The following ST18 variants were observed in gnomAD, a reference collection of about 807,000 sequenced individuals.
The protein encoded by ST18 is ST18 C2H2C-type zinc finger transcription factor.
In ST18, 50 loss-of-function variants were observed where a neutral mutation model predicts 110.0. The observed-to-expected ratio is 0.45, with a 90% confidence interval of 0.36 to 0.58. The LOEUF is 0.58. ST18 is among the 20% of genes least tolerant of loss of function. ST18 has a pLI of 0.00. For missense variants in ST18, 1,306 were observed against 1,280.1 expected, an observed-to-expected ratio of 1.02 and a Z score of -0.31; for synonymous variants, 461 against 452.4, an observed-to-expected ratio of 1.02 and a Z score of -0.24.
At position 52,205,036 on chromosome 8, in the gene ST18, C is replaced by G. The variant is rs552169412; in HGVS notation, c.86+7043G>C. Among the ~76,000 whole-genome samples, 49 of 151,900 alleles carry G rather than the reference C, an allele frequency of 3.2e-4. 1 individual carries two copies. The South Asian group carries it at 1.0e-2, about 31-fold the overall frequency. ...ACAGATATTAAGATTTAAAGTAGAC[C>G]TTAGACAAGCTGGAGAGTACTCTGT... On this transcript the variant is annotated intron_variant, in intron 8 of 25. Transcript: ENST00000689386.
intron 2 of ST18, among the ~76,000 whole-genome samples, chr8:52,269,074 A>G (rs2094981688): frequency 6.6e-6 from 1 of 152,206 alleles, no homozygotes; most frequent in African/African-American, 2.4e-5. Context: ...AACTTAATCT[A>G]GGAAAAAATT....
rs180749178 is a variant in ST18 at position 52,187,172 on chromosome 8, G to T, written c.87-6860C>A. Among the ~76,000 whole-genome samples the T allele has an allele frequency of 4.2e-4, 64 of 152,262 alleles. 2 individuals are homozygous for T. The highest frequency in any genetic ancestry group is 2.0e-4 in the Admixed American group (3 of 15,294). On this transcript the variant is annotated intron_variant, in intron 8 of 25. Coordinates refer to ENST00000689386, the MANE Select transcript of ST18 (RefSeq NM_001352837.2). The stretch of plus-strand genomic sequence containing the variant: ...TCAAAGGTCCTGACTTTAATTGTAG[G>T]TTCTAAACCCAATAGAGCCAATGAT...
chr8:52,268,447 A>T (rs1048930063), intron 2 of ST18, among the ~76,000 whole-genome samples: 2 of 151,928 alleles, frequency 1.3e-5, no homozygotes, highest in Non-Finnish European at 2.9e-5. Flanking sequence ...CTGTCTATCT[A>T]TCTATCGTCT....
chr8:52,318,588 C>T (rs2096069882), intron 2 of ST18, among the ~76,000 whole-genome samples: 1 of 152,144 alleles, frequency 6.6e-6, no homozygotes, highest in Non-Finnish European at 1.5e-5. Flanking sequence ...TATAAAGACA[C>T]ATGCACACGT....
chr8:52,133,196 C>T (rs778135473), intron 20 of ST18, 43 bp downstream of exon 20: 17 of 1,614,008 alleles, frequency 1.1e-5, no homozygotes, highest in Admixed American at 1.7e-5. Flanking sequence ...TGACTGCTGC[C>T]GACAAGCTCA....
chr8:52,367,236 T>TCA (rs748933981), intron 2 of ST18, among the ~76,000 whole-genome samples: 72 of 120,268 alleles, frequency 6.0e-4, no homozygotes, highest in African/African-American at 1.8e-3. Flanking sequence ...GGACCCTGTC[T>TCA]CACACACACA....
At chr8:52,165,515 C>A (rs2062689765) in intron 11 of ST18, among the ~76,000 whole-genome samples, 1 of 152,228 alleles carries the variant, frequency 6.6e-6, no homozygotes, top group South Asian at 2.1e-4. Context: ...ACCTTCCCAT[C>A]ACCTGAATGT....
In ST18 at chr8:52,130,119, A is replaced by AAAGAAAAGAAAG. The variant is rs67888949; in HGVS notation, c.2666+1838_2666+1839insCTTTCTTTTCTT. On this transcript the variant is annotated intron_variant, in intron 22 of 25. Coordinates refer to ENST00000689386, the MANE Select transcript of ST18 (RefSeq NM_001352837.2). Reference sequence around the variant, plus strand: ...AAAAGAAAGAAAGAAAGAAAGAAAGAAAAGAAAGAAAGAAAGAAAGAAAGA... The same window carrying AAAGAAAAGAAAG: ...AAAAGAAAGAAAGAAAGAAAGAAAGAAAGAAAAGAAAGAAAGAAAGAAAGAAAGAAAGAAAGA... Among the ~76,000 whole-genome samples, 771 of 105,184 alleles carry AAAGAAAAGAAAG rather than the reference A, an allele frequency of 7.3e-3. 9 individuals carry two copies. The highest frequency in any genetic ancestry group is 0.037 in the East Asian group (130 of 3,540). 69.0% of individuals were successfully genotyped at this position (105,184 alleles called of 152,430 possible). A position where few individuals can be genotyped will look rare whatever the true frequency, so the allele number is the denominator to read the frequency against.
chr8:52,405,043 T>C (rs569251214), intron 2 of ST18: 1 of 152,226 alleles, frequency 6.6e-6, no homozygotes, highest in Non-Finnish European at 1.5e-5. Flanking sequence ...ATGCAGAGCT[T>C]AGATTAGTCT....
rs1822192868 is a variant in ST18, at chr8:52,355,332, G to T, written c.-465+53996C>A. ...TCTAATGGCCGTGAACCTACCTCCG[G>T]GGCCTGTGTGGGCCTCCTCCTAGTT... is the stretch of plus-strand genomic sequence containing the variant. On this transcript the variant is annotated intron_variant, in intron 2 of 25. Coordinates refer to ENST00000689386, the MANE Select transcript of ST18 (RefSeq NM_001352837.2). Among the ~76,000 whole-genome samples, 3 of 152,154 alleles carry T rather than the reference G, an allele frequency of 2.0e-5. No homozygotes were observed. The South Asian group carries it at 6.2e-4, about 32-fold the overall frequency.
At chr8:52,369,553 C>T (rs1382868757) in intron 2 of ST18, among the ~76,000 whole-genome samples, 2 of 152,188 alleles carry the variant, frequency 1.3e-5, no homozygotes, top group Non-Finnish European at 2.9e-5. Flanking sequence ...GAGAGAAATA[C>T]ACTTCTATCT....
At chr8:52,406,042 C>A (rs2141159627) in intron 2 of ST18, 1 of 152,224 alleles carries the variant, frequency 6.6e-6, no homozygotes, top group Non-Finnish European at 1.5e-5. Context: ...TGCAGGCTGT[C>A]CATATTATAT....
intron 8 of ST18, chr8:52,201,468 G>C (rs1488444816): frequency 3.3e-5 from 5 of 152,242 alleles, no homozygotes; most frequent in African/African-American, 9.6e-5. Context: ...CCCTATGCAG[G>C]GTTCACTCCC....
At chr8:52,340,367 A>C (rs144626766) in intron 2 of ST18, among the ~76,000 whole-genome samples, 80 of 152,304 alleles carry the variant, frequency 5.3e-4, no homozygotes, top group African/African-American at 1.8e-3. Context: ...TTTGTTCCTG[A>C]CTCATATGAA....
intron 2 of ST18, among the ~76,000 whole-genome samples, chr8:52,377,465 T>C (rs1832862165): frequency 6.6e-6 from 1 of 152,206 alleles, no homozygotes; most frequent in Admixed American, 6.5e-5. Context: ...TTGTGGTTCA[T>C]GAGGGTAGTT....
At chr8:52,128,690 T>A (rs2048040539) in intron 22 of ST18, among the ~76,000 whole-genome samples, 1 of 152,212 alleles carries the variant, frequency 6.6e-6, no homozygotes, top group Admixed American at 6.5e-5. Flanking sequence ...ACACCTCAGC[T>A]TGGTGCCTGG....
intron 8 of ST18, among the ~76,000 whole-genome samples, chr8:52,188,643 T>G (rs995066863): frequency 1.3e-5 from 2 of 152,164 alleles, no homozygotes; most frequent in East Asian, 3.9e-4. Flanking sequence ...AGAACAGTTG[T>G]AGATAGAAGG....
intron 6 of ST18, among the ~76,000 whole-genome samples, chr8:52,215,757 G>A (rs1159762577): frequency 6.6e-6 from 1 of 152,142 alleles, no homozygotes; most frequent in Non-Finnish European, 1.5e-5. Context: ...ATGAGTTTAT[G>A]ACAGATGTGA....
At chr8:52,378,900 T>A (rs1162014451) in intron 2 of ST18, among the ~76,000 whole-genome samples, 1 of 152,162 alleles carries the variant, frequency 6.6e-6, no homozygotes, top group Non-Finnish European at 1.5e-5. Flanking sequence ...AAAATAGACC[T>A]ATGTGATACG....
Sources: gnomAD v4.1 joint callset for allele counts (sites outside exome capture counted in the v4.1 genomes callset) on GRCh38, gnomAD v4.1.1 for gene constraint, MANE v1.5 for transcripts, NCBI Gene and HGNC (gene_info 2026-07-23, HGNC 2026-07-21) for gene names.